The following CFAP46 variants were observed in gnomAD, a reference collection of about 807,000 sequenced individuals.
CFAP46 encodes the protein cilia- and flagella-associated protein 46.
CFAP46 carries 245 observed loss-of-function variants against 325.7 expected under a neutral mutation model. The observed-to-expected ratio is 0.75, with a 90% CI of 0.68 to 0.84. CFAP46 has a LOEUF of 0.84. CFAP46 is among the 40% of genes least tolerant of loss of function. The probability of loss-of-function intolerance (pLI) is 0.00; values close to 1 mark genes in which losing one functional copy is unlikely to be tolerated. For synonymous variants in CFAP46, 1,523 were observed against 1,495.9 expected, an observed-to-expected ratio of 1.02 and a Z score of -0.42; for missense variants, 3,346 against 3,543.0, an observed-to-expected ratio of 0.94 and a Z score of 1.41.
At chr10:132,902,974 G>A (rs1849411251) in intron 22 of CFAP46, among the ~76,000 whole-genome samples, 1 of 148,298 alleles carries the variant, frequency 6.7e-6, no homozygotes, top group Admixed American at 6.7e-5. Flanking sequence ...GCTAAGGTGT[G>A]TCTTTCTGAA....
chr10:132,846,378 C>T, intron 43 of CFAP46, 151 bp from the exon 44 acceptor site: 2 of 966,604 alleles, frequency 2.1e-6, no homozygotes, highest in Middle Eastern at 3.3e-4. Context: ...CTCCTCCTGG[C>T]ACCTGCAGAG....
intron 47 of CFAP46, 32 bp from the exon 48 acceptor site, chr10:132,834,807 C>T (rs754770053): frequency 1.9e-6 from 3 of 1,602,112 alleles, no homozygotes; most frequent in South Asian, 2.2e-5. Flanking sequence ...GCCCCCGTAG[C>T]AAACAGGGCG....
intron 10 of CFAP46, among the ~76,000 whole-genome samples, chr10:132,926,229 C>T (rs1175788383): frequency 2.0e-5 from 3 of 152,168 alleles, no homozygotes; most frequent in Non-Finnish European, 4.4e-5. Context: ...TCATGGGACG[C>T]GTGGCCGTCC....
In CFAP46 at chr10:132,919,101, C is replaced by T. The variant is rs372319650; in HGVS notation, c.1858+214G>A. Among the ~76,000 whole-genome samples the T allele has an allele frequency of 3.9e-5, 6 of 152,240 alleles. No individual in the cohort carries two copies. Among genetic ancestry groups the T allele is most frequent in the African/African-American group, 9.6e-5 (4 of 41,456 alleles). ...AGTGACTGAAGATGGAGTGTGACGA[C>T]GGTGCTCGTGGCTCGGCCGACACAG... On this transcript the variant is annotated intron_variant, in intron 15 of 57. Transcript: ENST00000368586. The surrounding 1 kb of genome is among the most constrained non-coding windows in gnomAD (Gnocchi z 9.7).
chr10:132,891,049 C>T (rs190249837), intron 25 of CFAP46, among the ~76,000 whole-genome samples: 11 of 152,146 alleles, frequency 7.2e-5, no homozygotes, highest in East Asian at 1.9e-4. Context: ...AGTCAGTATG[C>T]GTTTTTGTGT....
rs371140126 is a variant in CFAP46, at chr10:132,936,954, G to A, written c.755+7C>T. On this transcript the variant is annotated splice_region_variant and intron_variant, in intron 7 of 57. Transcript: ENST00000368586. ...CAGTATTTGCTCTCCCTCCCAAAAC[G>A]ACTTACGCCTTTAGCATATTAATAT... 8.7e-5 allele frequency: 130 copies of A among 1,502,814 alleles called. 1 individual carries two copies. The highest frequency in any genetic ancestry group is 2.4e-4 in the South Asian group (17 of 71,250). 93.1% of individuals were successfully genotyped at this position (1,502,814 alleles called of 1,614,324 possible).
At chr10:132,899,751 A>C in intron 22 of CFAP46, 85 bp from the exon 23 acceptor site, 1 of 1,421,282 alleles carries the variant, frequency 7.0e-7, no homozygotes, top group East Asian at 2.5e-5. Context: ...TGAACTGTGG[A>C]CTACACAGGT....
At chr10:132,918,850 G>T (rs1241413685) in intron 15 of CFAP46, among the ~76,000 whole-genome samples, 1 of 152,168 alleles carries the variant, frequency 6.6e-6, no homozygotes, top group Non-Finnish European at 1.5e-5. Flanking sequence ...ACTCCTGCAG[G>T]ACTCCCAGAC....
Position 132,832,664 on chromosome 10 carries a change from G to T in CFAP46, c.7117+694C>A. ...GATACCGAAGTGCAGAAAACTGCACGTACCGCAAGGGTAGCGCTCGGGGAA... is the reference window on the plus strand; with the variant it reads ...GATACCGAAGTGCAGAAAACTGCACTTACCGCAAGGGTAGCGCTCGGGGAA... On this transcript the variant is annotated intron_variant, in intron 50 of 57. Coordinates refer to ENST00000368586, the MANE Select transcript of CFAP46 (RefSeq NM_001200049.3). This position sits in a 1 kb window ranked among gnomAD's most constrained non-coding sequence, Gnocchi z 4.1. The T allele has an allele frequency of 2.3e-6, 1 of 427,456 alleles. No individual in the cohort carries two copies. The highest frequency in any genetic ancestry group is 2.6e-5 in the Admixed American group (1 of 39,126). 26.5% of individuals were successfully genotyped at this position (427,456 alleles called of 1,614,324 possible). A position where few individuals can be genotyped will look rare whatever the true frequency, so the allele number is the denominator to read the frequency against.
chr10:132,868,945 A>C (rs1392230269), intron 33 of CFAP46, among the ~76,000 whole-genome samples: 1 of 152,218 alleles, frequency 6.6e-6, no homozygotes, highest in Non-Finnish European at 1.5e-5. Context: ...GAGTGGCCTG[A>C]CCGAGCACTG....
chr10:132,939,631 C>T lies in CFAP46; in HGVS notation c.372-878G>A, dbSNP rs1020555788. Among the ~76,000 whole-genome samples, 1 of 152,188 alleles carries T rather than the reference C, an allele frequency of 6.6e-6. No individual in the cohort carries two copies. The highest frequency in any genetic ancestry group is 2.4e-5 in the African/African-American group (1 of 41,456). On this transcript the variant is annotated intron_variant, in intron 4 of 57. Transcript: ENST00000368586. This position sits in a 1 kb window ranked among gnomAD's most constrained non-coding sequence, Gnocchi z 4.6. ...GCCACCACGTGACCCTAGGACAGGA[C>T]TCATCCTGTTTCCAGGTTTTCAGGA...
At chr10:132,937,278 A>T (rs1411874061) in intron 6 of CFAP46, 1 of 535,422 alleles carries the variant, frequency 1.9e-6, no homozygotes, top group Non-Finnish European at 3.2e-6. Context: ...TATTAACTTT[A>T]AAAAAATTCA....
chr10:132,814,695 T>C lies in CFAP46; in HGVS notation c.7240A>G (p.Asn2414Asp). The change falls in exon 52 of 58, where the codon AAC (asparagine) becomes GAC (aspartate). Residue 2414 changes from asparagine to aspartate, a missense_variant. Physicochemically the swap from Asn to Asp is conservative, Grantham distance 23 (BLOSUM62 1). Transcript: ENST00000368586. ...PPDCIIVDSD[N>D]FKFVVDPYEE... ...GCCCATCAAAGGATACACTTGAAGT[T>C]GTCTGAGTCGACTATGATGCAGTCA... The C allele has an allele frequency of 1.2e-6, 2 of 1,606,726 alleles. No individual in the cohort carries two copies. The highest frequency in any genetic ancestry group is 1.7e-6 in the Non-Finnish European group (2 of 1,176,382).
At chr10:132,830,596 G>C (rs1156905694) in intron 50 of CFAP46, among the ~76,000 whole-genome samples, 1 of 152,056 alleles carries the variant, frequency 6.6e-6, no homozygotes, top group Non-Finnish European at 1.5e-5. Context: ...AAATTTATTG[G>C]TGCAGCATTA....
rs1208210578 is a variant in CFAP46, at chr10:132,908,485, G to A, written c.2907C>T (p.Tyr969=). 12 of 1,550,422 alleles carry A rather than the reference G, an allele frequency of 7.7e-6. No individual in the cohort carries two copies. In the Admixed American group the frequency reaches 1.4e-4, roughly 18 times the overall value. Residue 969 remains tyrosine (Y), a synonymous_variant, in exon 22 of 58, where the codon TAC becomes TAT. Transcript: ENST00000368586. ...AHRALEMGIK[Y]LKKFGPEESR... is the part of the protein sequence containing the mutation. ...TTACTTACGGCCCAAATTTCTTCAG[G>A]TACTTGATGCCCATCTCCAGAGCCC... is the stretch of plus-strand genomic sequence containing the variant.
At chr10:132,887,686 TC>T (rs1849176393) in intron 25 of CFAP46, among the ~76,000 whole-genome samples, 4 of 91,600 alleles carry the variant, frequency 4.4e-5, no homozygotes, top group African/African-American at 1.7e-4. Flanking sequence ...TCTCCTCTCC[TC>T]TCTCTCTCCT....
At chr10:132,905,528 G>A (rs746366509) in intron 22 of CFAP46, among the ~76,000 whole-genome samples, 4 of 151,078 alleles carry the variant, frequency 2.6e-5, no homozygotes, top group Non-Finnish European at 5.9e-5. Flanking sequence ...ATGGTGTATG[G>A]GAAGTACACT....
intron 32 of CFAP46, among the ~76,000 whole-genome samples, chr10:132,870,764 A>C (rs1334574454): frequency 6.6e-6 from 1 of 152,232 alleles, no homozygotes; most frequent in East Asian, 1.9e-4. Flanking sequence ...GTCACATAAA[A>C]ATGCCAGGTG....
In CFAP46 at chr10:132,867,607, C is replaced by T. The variant is rs372075850; in HGVS notation, c.4611-100G>A. ...ACGCAAACGAAAACAGCCACAATTA[C>T]ATTCTTCACGCGCGTGTTTACAAAG... On this transcript the variant is annotated intron_variant, in intron 33 of 57. Coordinates refer to ENST00000368586, the MANE Select transcript of CFAP46 (RefSeq NM_001200049.3). 57 of 1,405,730 alleles carry T rather than the reference C, an allele frequency of 4.1e-5. No homozygotes were observed. In the East Asian group the frequency reaches 5.0e-4, roughly 12 times the overall value. The allele number at this position is 1,405,730 out of a possible 1,614,324, so 87.1% of individuals were successfully genotyped here.
Sources: gnomAD v4.1 joint callset for allele counts (sites outside exome capture counted in the v4.1 genomes callset) on GRCh38, gnomAD v4.1.1 for gene constraint, Gnocchi (gnomAD v3.1) non-coding constraint, MANE v1.5 for transcripts, NCBI Gene and HGNC (gene_info 2026-07-23, HGNC 2026-07-21) for gene names.